The following CATSPERG variants were observed in gnomAD, a reference collection of about 807,000 sequenced individuals.
The protein encoded by CATSPERG is cation channel sperm-associated auxiliary subunit gamma.
In CATSPERG, 115 loss-of-function variants were observed where a neutral mutation model predicts 145.0. The ratio of observed to expected loss-of-function variants is 0.79; its 90% CI spans 0.68 to 0.93. CATSPERG has a LOEUF of 0.93. Among genes scored for constraint, CATSPERG ranks in the 40% least tolerant of loss-of-function variants. The pLI is 0.00. For missense variants in CATSPERG, 1,296 were observed against 1,490.1 expected, an observed-to-expected ratio of 0.87 and a Z score of 2.14; for synonymous variants, 588 against 589.0, an observed-to-expected ratio of 1.00 and a Z score of 0.02.
At position 38,352,768 on chromosome 19, in the gene CATSPERG, G is replaced by C. The variant is rs181717921; in HGVS notation, c.997+336G>C. Among the ~76,000 whole-genome samples the C allele has an allele frequency of 3.3e-5, 5 of 151,550 alleles. No homozygotes were observed. The East Asian group carries it at 7.8e-4, about 24-fold the overall frequency. ...AAGGACTTGCCAAGACAGACCAGAC[G>C]GGGAGAGAAAGTCAGAGGGAGAGGG... On this transcript the variant is annotated intron_variant, in intron 8 of 28. Coordinates refer to ENST00000409235, the MANE Select transcript of CATSPERG (RefSeq NM_021185.5).
Position 38,364,978 on chromosome 19 carries a change from T to C in CATSPERG, c.2556+7T>C, listed in dbSNP as rs1204181316. On this transcript the variant is annotated splice_region_variant and intron_variant, in intron 21 of 28. Transcript: ENST00000409235. ...GACTTCCATGACGGTCAATGTGAGG[T>C]CCAAGCCTGGAGGGGAGGGTGCAGG... 4.3e-6 allele frequency: 7 copies of C among 1,613,806 alleles called. No homozygotes were observed. Among genetic ancestry groups the C allele is most frequent in the Middle Eastern group, 1.6e-4 (1 of 6,062 alleles).
intron 3 of CATSPERG, among the ~76,000 whole-genome samples, chr19:38,340,235 C>A (rs1318935588): frequency 6.6e-6 from 1 of 152,116 alleles, no homozygotes; most frequent in Non-Finnish European, 1.5e-5. Context: ...GGGTTTCTTT[C>A]TGGACTCAAT....
chr19:38,362,703 G>A lies in CATSPERG; in HGVS notation c.2357-11G>A, dbSNP rs1970371895. 1 of 1,613,584 alleles carries A rather than the reference G, an allele frequency of 6.2e-7. No homozygotes were observed. Among genetic ancestry groups the A allele is most frequent in the Non-Finnish European group, 8.5e-7 (1 of 1,179,708 alleles). On this transcript the variant is annotated splice_polypyrimidine_tract_variant and intron_variant, in intron 19 of 28. Transcript: ENST00000409235. ...GAGGGAGGCCTTAACCCCGTTTACT[G>A]CCCGGAGCAGGCACCGCCTTCCAGC...
At position 38,344,901 on chromosome 19, in the gene CATSPERG, ATTT is replaced by A. The variant is rs1158525255; in HGVS notation, c.669+554_669+556del. Among the ~76,000 whole-genome samples, 54 of 80,008 alleles carry A rather than the reference ATTT, an allele frequency of 6.7e-4. 4 individuals carry two copies. The highest frequency in any genetic ancestry group is 2.0e-3 in the African/African-American group (42 of 20,966). The allele number at this position is 80,008 out of a possible 152,430, so 52.5% of individuals were successfully genotyped here. A position where few individuals can be genotyped will look rare whatever the true frequency, so the allele number is the denominator to read the frequency against. On this transcript the variant is annotated intron_variant, in intron 6 of 28. Coordinates refer to ENST00000409235, the MANE Select transcript of CATSPERG (RefSeq NM_021185.5). ...CACACACATATATATATATATATAT[ATTT>A]TTTTTTTTTTTTTTTTTTTTGAGAC...
At chr19:38,343,882 A>G in intron 4 of CATSPERG, 111 bp from the exon 5 acceptor site, 1 of 1,441,278 alleles carries the variant, frequency 6.9e-7, no homozygotes, top group Non-Finnish European at 9.3e-7. Context: ...AGTGGGACCC[A>G]TGGCGTGGAG....
intron 26 of CATSPERG, chr19:38,369,633 T>C: frequency 2.9e-6 from 1 of 346,576 alleles, no homozygotes; most frequent in Non-Finnish European, 5.6e-6. Context: ...TAGTAAGTGC[T>C]CAAGCTATAT....
chr19:38,355,000 G>T (rs1026928106), intron 9 of CATSPERG, among the ~76,000 whole-genome samples, 153 bp downstream of exon 9: 18 of 152,154 alleles, frequency 1.2e-4, no homozygotes, highest in Admixed American at 1.3e-4. Flanking sequence ...TGCGTTTGTA[G>T]GGGTAGGGCT....
At chr19:38,348,108 G>A (rs1600454390) in intron 7 of CATSPERG, among the ~76,000 whole-genome samples, 3 of 152,068 alleles carry the variant, frequency 2.0e-5, no homozygotes, top group East Asian at 1.9e-4. Context: ...CCTGTCCTGT[G>A]TCAGCTTTCT....
Position 38,360,621 on chromosome 19 carries a change from T to C in CATSPERG, c.1741T>C (p.Phe581Leu). 2 of 1,614,216 alleles carry C rather than the reference T, an allele frequency of 1.2e-6. No individual in the cohort carries two copies. The highest frequency in any genetic ancestry group is 1.7e-6 in the Non-Finnish European group (2 of 1,180,034). The change falls in exon 15 of 29, where the codon TTC becomes CTC. Residue 581 changes from phenylalanine (F) to leucine (L), a missense_variant. Physicochemically the swap from Phe to Leu is conservative, Grantham distance 22. Coordinates refer to ENST00000409235, the MANE Select transcript of CATSPERG (RefSeq NM_021185.5). ...ATCCAATGAGACCATGCTGACCCTC[T>C]TCTACGAAGACAGCAAACTGTACCA... The part of the protein sequence containing the change: ...YASNETMLTL[F>L]YEDSKLYQLV...
At chr19:38,355,460 G>A (rs1970227117) in intron 9 of CATSPERG, among the ~76,000 whole-genome samples, 1 of 152,044 alleles carries the variant, frequency 6.6e-6, no homozygotes, top group Non-Finnish European at 1.5e-5. Context: ...ACTTTGGGAG[G>A]CTGAGGTGGG....
rs1350316507 is a variant in CATSPERG, at chr19:38,359,639, C to T, written c.1608+58C>T. ...TCTGCCCACCCCCAAACCCCAGGGG[C>T]CCCTCTTTCCCCCGTCACAGTAAAG... On this transcript the variant is annotated intron_variant, in intron 14 of 28. Coordinates refer to ENST00000409235, the MANE Select transcript of CATSPERG (RefSeq NM_021185.5). 4 of 1,544,194 alleles carry T rather than the reference C, an allele frequency of 2.6e-6. No individual in the cohort carries two copies. In the Admixed American group the frequency reaches 5.8e-5, roughly 22 times the overall value.
At position 38,343,672 on chromosome 19, in the gene CATSPERG, G is replaced by C. The variant is rs749267952; in HGVS notation, c.417G>C (p.Trp139Cys). 13 of 1,550,012 alleles carry C rather than the reference G, an allele frequency of 8.4e-6. No homozygotes were observed. Among genetic ancestry groups the C allele is most frequent in the South Asian group, 5.9e-5 (5 of 84,050 alleles). Residue 139 changes from tryptophan (W) to cysteine (C), a missense_variant, in exon 4 of 29, where the codon TGG becomes TGC. By Grantham distance (215) the Trp-to-Cys change is radical. Coordinates refer to ENST00000409235, the MANE Select transcript of CATSPERG (RefSeq NM_021185.5). Reference sequence around the variant, plus strand: ...AGTCCCCAGTCAACTTCTACCGCTGGAAGATAGAGCAGCTGCAGATCCAGA... The same window carrying C: ...AGTCCCCAGTCAACTTCTACCGCTGCAAGATAGAGCAGCTGCAGATCCAGA... ...TFQSPVNFYR[W>C]KIEQLQIQME...
Position 38,360,617 on chromosome 19 carries a change from C to T in CATSPERG, c.1737C>T (p.Thr579=). ...ACGCATCCAATGAGACCATGCTGAC[C>T]CTCTTCTACGAAGACAGCAAACTGT... ...SLYASNETML[T]LFYEDSKLYQ... is the part of the protein sequence containing the mutation. The change falls in exon 15 of 29, where the codon ACC becomes ACT. Residue 579 remains threonine (T), a synonymous_variant. Transcript: ENST00000409235. The T allele has an allele frequency of 6.2e-7, 1 of 1,614,214 alleles. No homozygotes were observed. The highest frequency in any genetic ancestry group is 8.5e-7 in the Non-Finnish European group (1 of 1,180,040).
At chr19:38,350,289 T>G (rs1970116721) in intron 7 of CATSPERG, among the ~76,000 whole-genome samples, 1 of 152,160 alleles carries the variant, frequency 6.6e-6, no homozygotes, top group South Asian at 2.1e-4. Context: ...AGAAGAAAAT[T>G]TATTGGTTCA....
Position 38,352,613 on chromosome 19 carries a change from T to G in CATSPERG, c.997+181T>G, listed in dbSNP as rs1231873757. The G allele has an allele frequency of 5.6e-5, 35 of 621,116 alleles. No individual in the cohort carries two copies. In the East Asian group the frequency reaches 9.5e-4, roughly 17 times the overall value. 38.5% of individuals were successfully genotyped at this position (621,116 alleles called of 1,614,324 possible). ...CCTTGCCCTTTTTTTTTTTTTTTTT[T>G]TTTTTTGCTGGGATGAGGCTTCCAC... On this transcript the variant is annotated intron_variant, in intron 8 of 28. Transcript: ENST00000409235.
chr19:38,360,438 C>T, intron 14 of CATSPERG, 51 bp from the exon 15 acceptor site: 3 of 1,606,098 alleles, frequency 1.9e-6, no homozygotes, highest in Non-Finnish European at 2.6e-6. Context: ...GAGGTGGGAT[C>T]AGAGGACCCC....
chr19:38,367,864 CCA>C (rs1970481657), intron 25 of CATSPERG, 88 bp downstream of exon 25: 3 of 1,324,796 alleles, frequency 2.3e-6, no homozygotes, highest in Admixed American at 1.7e-5. Flanking sequence ...TCGCAAGCCC[CCA>C]CCTCTGCGTC....
rs202060544 is a variant in CATSPERG, at chr19:38,342,216, A to AAAATAAATAAATAAATAAAT, written c.325-1351_325-1332dup. ...CATAGCAAGACCCTGTCCCATGTAAAAAATAAATAAATAAATAAATAAATA... is the reference window on the plus strand; with the variant it reads ...CATAGCAAGACCCTGTCCCATGTAAAAAATAAATAAATAAATAAATAAATAAATAAATAAATAAATAAATA... On this transcript the variant is annotated intron_variant, in intron 3 of 28. Coordinates refer to ENST00000409235, the MANE Select transcript of CATSPERG (RefSeq NM_021185.5). Among the ~76,000 whole-genome samples, 1,324 of 148,610 alleles carry AAAATAAATAAATAAATAAAT rather than the reference A, an allele frequency of 8.9e-3. 13 individuals are homozygous for AAAATAAATAAATAAATAAAT. Among genetic ancestry groups the AAAATAAATAAATAAATAAAT allele is most frequent in the Admixed American group, 0.032 (464 of 14,620 alleles).
In CATSPERG at chr19:38,368,152, T is replaced by C; in HGVS notation, c.3020+15T>C. 1 of 1,608,076 alleles carries C rather than the reference T, an allele frequency of 6.2e-7. No individual in the cohort carries two copies. The highest frequency in any genetic ancestry group is 8.5e-7 in the Non-Finnish European group (1 of 1,174,616). On this transcript the variant is annotated intron_variant, in intron 26 of 28. Transcript: ENST00000409235. Reference sequence around the variant, plus strand: ...CCAGGCATCGAGTGAGTGCGTAGCCTGGCCCCTCTTGGCCCCCATCTGTCG... The same window carrying C: ...CCAGGCATCGAGTGAGTGCGTAGCCCGGCCCCTCTTGGCCCCCATCTGTCG...
Sources: gnomAD v4.1 joint callset for allele counts (sites outside exome capture counted in the v4.1 genomes callset) on GRCh38, gnomAD v4.1.1 for gene constraint, MANE v1.5 for transcripts, NCBI Gene and HGNC (gene_info 2026-07-23, HGNC 2026-07-21) for gene names.